The following TMEM242 variants were observed in gnomAD, a reference collection of about 807,000 sequenced individuals.
TMEM242 encodes the protein transmembrane protein 242.
In TMEM242, 10 loss-of-function variants were observed where a neutral mutation model predicts 18.2. The observed-to-expected ratio is 0.55, with a 90% CI of 0.34 to 0.93. The LOEUF is 0.93. Ranked by LOEUF, TMEM242 falls within the 40% of genes least tolerant of loss-of-function variation. The pLI, the probability that TMEM242 is intolerant of heterozygous loss-of-function variation, is 0.02. For synonymous variants in TMEM242, 57 were observed against 69.9 expected, an observed-to-expected ratio of 0.81 and a Z score of 0.92; for missense variants, 186 against 175.5, an observed-to-expected ratio of 1.06 and a Z score of -0.34.
At chr6:157,315,304 G>A (rs149305007) in intron 3 of TMEM242, among the ~76,000 whole-genome samples, 3,788 of 152,324 alleles carry the variant, frequency 0.025, 77 homozygotes, top group Middle Eastern at 0.061. Context: ...ACAGGGTAGC[G>A]CTGTCTTAGC....
chr6:157,290,497 A>G lies in TMEM242; in HGVS notation c.*2404T>C, dbSNP rs587599393. On this transcript the variant is annotated 3_prime_UTR_variant, in exon 4 of 4. Transcript: ENST00000400788. ...GCAAAGAAGGCAAACTTGAAATTCC[A>G]TCACATTTCCTCTCTTCCATATCCA... 3 of 152,368 alleles carry G rather than the reference A, an allele frequency of 2.0e-5. No individual in the cohort carries two copies. Among genetic ancestry groups the G allele is most frequent in the South Asian group, 4.1e-4 (2 of 4,830 alleles). The allele number at this position is 152,368 out of a possible 1,614,324, so 9.4% of individuals were successfully genotyped here.
rs767220072 is a variant in TMEM242, at chr6:157,307,151, A to T, written c.327+11631T>A. The stretch of plus-strand genomic sequence containing the variant: ...GGGAAGCAAATGATATCAGGTCTCC[A>T]GTCCACAATGCTTTATTTAGAGAGA... On this transcript the variant is annotated intron_variant, in intron 3 of 3. Coordinates refer to ENST00000400788, the MANE Select transcript of TMEM242 (RefSeq NM_018452.6). Among the ~76,000 whole-genome samples the T allele has an allele frequency of 2.0e-5, 3 of 152,238 alleles. No homozygotes were observed. In the South Asian group the frequency reaches 6.2e-4, roughly 32 times the overall value.
intron 3 of TMEM242, among the ~76,000 whole-genome samples, chr6:157,293,704 G>A (rs972637832): frequency 2.6e-5 from 4 of 151,556 alleles, no homozygotes; most frequent in Admixed American, 2.6e-4. Context: ...AGTTTTACAA[G>A]CAGTTGATTT....
At chr6:157,312,906 G>A (rs1583570360) in intron 3 of TMEM242, among the ~76,000 whole-genome samples, 1 of 151,432 alleles carries the variant, frequency 6.6e-6, no homozygotes, top group African/African-American at 2.4e-5. Flanking sequence ...GTGTCCCACT[G>A]TGCGCTCACC....
At chr6:157,295,364 T>C (rs587636717) in intron 3 of TMEM242, among the ~76,000 whole-genome samples, 12 of 152,370 alleles carry the variant, frequency 7.9e-5, no homozygotes, top group African/African-American at 2.9e-4. Flanking sequence ...ACTTTTGTAG[T>C]TGAAAAACAG....
In TMEM242 at chr6:157,323,401, G is replaced by C; in HGVS notation, c.88+11C>G. ...ACCCCGACGCCCGCACCTCACCACA[G>C]CACATCTTACCTTTAACCAGGAAAA... is the stretch of plus-strand genomic sequence containing the variant. On this transcript the variant is annotated intron_variant, in intron 1 of 3. Transcript: ENST00000400788. 6.2e-7 allele frequency: 1 copy of C among 1,613,774 alleles called. No homozygotes were observed. The highest frequency in any genetic ancestry group is 8.5e-7 in the Non-Finnish European group (1 of 1,179,730).
At position 157,318,950 on chromosome 6, in the gene TMEM242, A is replaced by T. The variant is rs1554250572; in HGVS notation, c.190-31T>A. 20 of 1,580,492 alleles carry T rather than the reference A, an allele frequency of 1.3e-5. No individual in the cohort carries two copies. The Middle Eastern group carries it at 5.1e-4, about 40-fold the overall frequency. ...ATGAAACAGAAAAGTTGAGGTAAAA[A>T]CAATCAGTGCAGAAAGAATAAGCAT... On this transcript the variant is annotated intron_variant, in intron 2 of 3. Coordinates refer to ENST00000400788, the MANE Select transcript of TMEM242 (RefSeq NM_018452.6).
Position 157,292,135 on chromosome 6 carries a change from T to C in TMEM242, c.*766A>G, listed in dbSNP as rs1375704740. 2 of 152,190 alleles carry C rather than the reference T, an allele frequency of 1.3e-5. No homozygotes were observed. Among genetic ancestry groups the C allele is most frequent in the African/African-American group, 4.8e-5 (2 of 41,436 alleles). 9.4% of individuals were successfully genotyped at this position (152,190 alleles called of 1,614,324 possible). A position where few individuals can be genotyped will look rare whatever the true frequency, so the allele number is the denominator to read the frequency against. ...TTGAAGACGGATGACAACTGGGCTT[T>C]TTTTACTTTGACAACTGAGACAAAA... On this transcript the variant is annotated 3_prime_UTR_variant, in exon 4 of 4. Transcript: ENST00000400788.
chr6:157,306,971 A>G (rs1356645211), intron 3 of TMEM242, among the ~76,000 whole-genome samples: 2 of 152,228 alleles, frequency 1.3e-5, no homozygotes, highest in African/African-American at 4.8e-5. Context: ...AGGTAGAAAA[A>G]TCCATTTGAG....
chr6:157,306,691 T>A (rs1296691543), intron 3 of TMEM242, among the ~76,000 whole-genome samples: 1 of 152,100 alleles, frequency 6.6e-6, no homozygotes, highest in Non-Finnish European at 1.5e-5. Context: ...ACCTTAAGCA[T>A]AACTGGGTAA....
At chr6:157,294,594 C>T (rs1187453159) in intron 3 of TMEM242, among the ~76,000 whole-genome samples, 1 of 152,030 alleles carries the variant, frequency 6.6e-6, no homozygotes, top group Non-Finnish European at 1.5e-5. Context: ...TCGTGATCCG[C>T]CCGCCTCGGC....
At chr6:157,310,027 CT>C (rs1237975747) in intron 3 of TMEM242, among the ~76,000 whole-genome samples, 10 of 152,174 alleles carry the variant, frequency 6.6e-5, no homozygotes, top group African/African-American at 9.7e-5. Flanking sequence ...GCATACCCCC[CT>C]GATAAAGTTC....
intron 3 of TMEM242, among the ~76,000 whole-genome samples, chr6:157,295,307 C>T (rs1777736973): frequency 6.6e-6 from 1 of 152,196 alleles, no homozygotes; most frequent in South Asian, 2.1e-4. Context: ...GAATTAATTG[C>T]TTTGTCCAAA....
At chr6:157,309,780 G>C (rs1458733644) in intron 3 of TMEM242, among the ~76,000 whole-genome samples, 1 of 152,096 alleles carries the variant, frequency 6.6e-6, no homozygotes, top group East Asian at 1.9e-4. Flanking sequence ...TAAATAACTG[G>C]ACAACTTAAA....
At chr6:157,318,405 TAG>T (rs1554250522) in intron 3 of TMEM242, 1 of 227,096 alleles carries the variant, frequency 4.4e-6, no homozygotes, top group Non-Finnish European at 8.5e-6. Context: ...AATTTTTTTA[TAG>T]AGACAGGGTT....
At chr6:157,317,289 A>T (rs1778408961) in intron 3 of TMEM242, among the ~76,000 whole-genome samples, 1 of 152,138 alleles carries the variant, frequency 6.6e-6, no homozygotes, top group South Asian at 2.1e-4. Context: ...CCATTTCACC[A>T]ATGGCTGTCA....
intron 3 of TMEM242, among the ~76,000 whole-genome samples, 165 bp from the exon 4 acceptor site, chr6:157,293,164 G>T (rs1554246945): frequency 6.6e-6 from 1 of 152,100 alleles, no homozygotes. Flanking sequence ...TATCTTGAAA[G>T]AAAATGAAAT....
At chr6:157,302,997 C>G (rs1777851403) in intron 3 of TMEM242, among the ~76,000 whole-genome samples, 4 of 152,204 alleles carry the variant, frequency 2.6e-5, no homozygotes, top group Admixed American at 2.6e-4. Flanking sequence ...TTCTGATATT[C>G]CATTCTCTCA....
chr6:157,291,056 C>T lies in TMEM242; in HGVS notation c.*1845G>A, dbSNP rs6916984. ...CCATCAGCCTGATGTGCAGCAGCCT[C>T]TGCAGCGGTGCTGACACCAGTTTAC... On this transcript the variant is annotated 3_prime_UTR_variant, in exon 4 of 4. Transcript: ENST00000400788. 0.25 allele frequency: 38,048 copies of T among 152,228 alleles called. 5,089 individuals carry two copies. The highest frequency in any genetic ancestry group is 0.56 in the East Asian group (2,895 of 5,166). 9.4% of individuals were successfully genotyped at this position (152,228 alleles called of 1,614,324 possible).
Sources: gnomAD v4.1 joint callset for allele counts (sites outside exome capture counted in the v4.1 genomes callset) on GRCh38, gnomAD v4.1.1 for gene constraint, MANE v1.5 for transcripts, NCBI Gene and HGNC (gene_info 2026-07-23, HGNC 2026-07-21) for gene names.